Variants in ALKBH1 observed in about 807,000 individuals in gnomAD.
ALKBH1 encodes the protein nucleic acid dioxygenase ALKBH1.
In ALKBH1, 31 loss-of-function variants were observed where a neutral mutation model predicts 36.6. The ratio of observed to expected loss-of-function variants is 0.85; its 90% CI spans 0.64 to 1.14. The LOEUF (loss-of-function observed/expected upper bound fraction) is 1.14, where lower values mean the gene tolerates loss of function less well. ALKBH1 is among the 50% of genes most tolerant of loss of function. The pLI, the probability that ALKBH1 is intolerant of heterozygous loss-of-function variation, is 0.00. For synonymous variants in ALKBH1, 183 were observed against 186.6 expected (o/e 0.98, Z 0.16); for missense variants, 490 against 497.3 (o/e 0.99, Z 0.14).
chr14:77,680,542 A>G (rs757089617), intron 3 of ALKBH1, among the ~76,000 whole-genome samples: 1 of 152,194 alleles, frequency 6.6e-6, no homozygotes, highest in Non-Finnish European at 1.5e-5. Flanking sequence ...AGGCTTAGCT[A>G]ACAATTAAGG....
rs146731751 is a variant in ALKBH1 at position 77,692,862 on chromosome 14, G to A, written c.455+1876C>T. Among the ~76,000 whole-genome samples the A allele has an allele frequency of 3.4e-4, 52 of 151,086 alleles. No individual in the cohort carries two copies. In the East Asian group the frequency reaches 9.7e-3, roughly 28 times the overall value. ...AGAGACAGTCTCTCCTCAGCCTGCC[G>A]AGTAGCTAGGACTACAGGCACACAC... On this transcript the variant is annotated intron_variant, in intron 3 of 5. Coordinates refer to ENST00000216489, the MANE Select transcript of ALKBH1 (RefSeq NM_006020.3).
intron 3 of ALKBH1, chr14:77,691,702 T>A (rs1428191095): frequency 6.6e-6 from 1 of 152,190 alleles, no homozygotes; most frequent in African/African-American, 2.4e-5. Context: ...TTTCTGCTAA[T>A]TTATTAGACC....
chr14:77,681,576 G>T (rs911622471), intron 3 of ALKBH1, among the ~76,000 whole-genome samples: 1 of 152,300 alleles, frequency 6.6e-6, no homozygotes, highest in East Asian at 1.9e-4. Flanking sequence ...CAGATAAAAA[G>T]AAATGAACAC....
chr14:77,673,555 C>A lies in ALKBH1; in HGVS notation c.*257G>T, dbSNP rs2080187600. The A allele has an allele frequency of 2.2e-6, 1 of 458,180 alleles. No individual in the cohort carries two copies. The highest frequency in any genetic ancestry group is 3.9e-6 in the Non-Finnish European group (1 of 256,158). The allele number at this position is 458,180 out of a possible 1,614,324, so 28.4% of individuals were successfully genotyped here. On this transcript the variant is annotated 3_prime_UTR_variant, in exon 6 of 6. Coordinates refer to ENST00000216489, the MANE Select transcript of ALKBH1 (RefSeq NM_006020.3). ...GGCTGAGAAGGCTGTTGTGGAAGAA[C>A]ATACCTCCTTGGACTGACTTCTCAA...
rs1211473550 is a variant in ALKBH1, at chr14:77,694,897, A to T, written c.296T>A (p.Phe99Tyr). The change falls in exon 3 of 6, where the codon TTT becomes TAT. Residue 99 changes from phenylalanine to tyrosine, a missense_variant. By Grantham distance (22) the Phe-to-Tyr change is conservative (BLOSUM62 3). Coordinates refer to ENST00000216489, the MANE Select transcript of ALKBH1 (RefSeq NM_006020.3). ...GAGGAAGGGGTTTGGGATAAAAATA[A>T]ACCCTATACAAAAGATGGGTGGGAA... is the stretch of plus-strand genomic sequence containing the variant. Reference protein sequence around the residue: ...QAYGLKGYPGFIFIPNPFLPG... With the variant: ...QAYGLKGYPGYIFIPNPFLPG... 1 of 1,519,408 alleles carries T rather than the reference A, an allele frequency of 6.6e-7. No homozygotes were observed. Among genetic ancestry groups the T allele is most frequent in the Non-Finnish European group, 8.8e-7 (1 of 1,137,622 alleles). The allele number at this position is 1,519,408 out of a possible 1,614,324, so 94.1% of individuals were successfully genotyped here. A position where few individuals can be genotyped will look rare whatever the true frequency, so the allele number is the denominator to read the frequency against.
intron 4 of ALKBH1, among the ~76,000 whole-genome samples, chr14:77,678,677 G>A (rs1170876157): frequency 6.6e-6 from 1 of 151,968 alleles, no homozygotes; most frequent in East Asian, 1.9e-4. Context: ...TGAGACAAGA[G>A]GCACTGCACT....
chr14:77,699,534 G>A (rs1566817233), intron 2 of ALKBH1, among the ~76,000 whole-genome samples: 1 of 152,158 alleles, frequency 6.6e-6, no homozygotes, highest in Non-Finnish European at 1.5e-5. Flanking sequence ...GTAACTCTAT[G>A]AGGAAGTTAT....
intron 3 of ALKBH1, among the ~76,000 whole-genome samples, chr14:77,688,717 G>A (rs755922688): frequency 1.3e-5 from 2 of 151,614 alleles, no homozygotes; most frequent in Admixed American, 6.6e-5. Context: ...GATTACAGGC[G>A]CCTGCCACCA....
intron 5 of ALKBH1, among the ~76,000 whole-genome samples, chr14:77,674,645 T>C (rs1213519650): frequency 6.6e-6 from 1 of 152,112 alleles, no homozygotes; most frequent in Non-Finnish European, 1.5e-5. Flanking sequence ...CTCAGCCTCC[T>C]GGGTTCAAGT....
intron 2 of ALKBH1, among the ~76,000 whole-genome samples, chr14:77,700,443 GA>G (rs1368906935): frequency 6.6e-6 from 1 of 152,110 alleles, no homozygotes; most frequent in East Asian, 1.9e-4. Flanking sequence ...TGGCATCAAG[GA>G]AACCTCATAC....
At chr14:77,705,210 C>T (rs1448044993) in intron 1 of ALKBH1, among the ~76,000 whole-genome samples, 8 of 151,840 alleles carry the variant, frequency 5.3e-5, no homozygotes, top group Non-Finnish European at 1.0e-4. Context: ...GTCAGGAGTC[C>T]GAGACCAACC....
At chr14:77,701,496 A>G (rs1174594840) in intron 2 of ALKBH1, among the ~76,000 whole-genome samples, 3 of 152,076 alleles carry the variant, frequency 2.0e-5, no homozygotes, top group Non-Finnish European at 4.4e-5. Flanking sequence ...CAATTTTTCA[A>G]TGTTTAATGC....
At position 77,673,611 on chromosome 14, in the gene ALKBH1, C is replaced by T. The variant is rs1270214736; in HGVS notation, c.*201G>A. 2 of 593,410 alleles carry T rather than the reference C, an allele frequency of 3.4e-6. No homozygotes were observed. The highest frequency in any genetic ancestry group is 4.5e-4 in the Middle Eastern group (1 of 2,238). The allele number at this position is 593,410 out of a possible 1,614,324, so 36.8% of individuals were successfully genotyped here. A position where few individuals can be genotyped will look rare whatever the true frequency, so the allele number is the denominator to read the frequency against. On this transcript the variant is annotated 3_prime_UTR_variant, in exon 6 of 6. Transcript: ENST00000216489. Reference sequence around the variant, plus strand: ...ATTACAGCCAACATGTAACTAGGAACAGACCATGTCAAACACTTCTCTGAG... The same window carrying T: ...ATTACAGCCAACATGTAACTAGGAATAGACCATGTCAAACACTTCTCTGAG...
intron 3 of ALKBH1, among the ~76,000 whole-genome samples, chr14:77,686,042 G>A (rs2080266663): frequency 6.6e-6 from 1 of 152,078 alleles, no homozygotes; most frequent in Admixed American, 6.6e-5. Flanking sequence ...TGTATTTTCT[G>A]AAAGGAAAGT....
intron 3 of ALKBH1, among the ~76,000 whole-genome samples, chr14:77,692,490 T>C (rs2080302707): frequency 6.6e-6 from 1 of 152,192 alleles, no homozygotes; most frequent in Non-Finnish European, 1.5e-5. Flanking sequence ...CCCTTGCATG[T>C]ACAGTTCACA....
At chr14:77,681,498 T>TTACA (rs2080238120) in intron 3 of ALKBH1, among the ~76,000 whole-genome samples, 1 of 152,242 alleles carries the variant, frequency 6.6e-6, no homozygotes, top group African/African-American at 2.4e-5. Flanking sequence ...ACAGAATAGA[T>TTACA]GCTATCTGTC....
intron 3 of ALKBH1, 93 bp from the exon 4 acceptor site, chr14:77,680,063 T>A (rs1056830029): frequency 4.7e-5 from 45 of 953,726 alleles, no homozygotes; most frequent in Non-Finnish European, 7.2e-5. Context: ...TAGTATTACA[T>A]GGTATAAGCC....
chr14:77,683,179 G>A, intron 3 of ALKBH1: 3 of 557,940 alleles, frequency 5.4e-6, no homozygotes, highest in South Asian at 1.8e-5. Flanking sequence ...TTTACAAACA[G>A]TCCAGGGGTA....
At chr14:77,686,827 T>C (rs543755336) in intron 3 of ALKBH1, among the ~76,000 whole-genome samples, 1 of 152,316 alleles carries the variant, frequency 6.6e-6, no homozygotes, top group African/African-American at 2.4e-5. Context: ...TTTCACCACA[T>C]TGGCCAGGAT....
Sources: allele counts gnomAD v4.1 joint callset (sites outside exome capture counted in the v4.1 genomes callset), GRCh38; gene constraint gnomAD v4.1.1; transcripts MANE v1.5; gene names NCBI Gene and HGNC (gene_info 2026-07-23, HGNC 2026-07-21).